The following MAGI1 variants were observed in gnomAD, a reference collection of about 807,000 sequenced individuals.
MAGI1 encodes membrane-associated guanylate kinase, WW and PDZ domain-containing protein 1.
In MAGI1, 58 loss-of-function variants were observed where a neutral mutation model predicts 139.9. The observed-to-expected ratio is 0.41, with a 90% confidence interval of 0.34 to 0.52. The LOEUF (loss-of-function observed/expected upper bound fraction) is 0.52, where lower values mean the gene tolerates loss of function less well. Among genes scored for constraint, MAGI1 ranks in the 20% least tolerant of loss-of-function variants. The pLI, the probability that MAGI1 is intolerant of heterozygous loss-of-function variation, is 0.12. For missense variants in MAGI1, 1,874 were observed against 1,901.6 expected, an observed-to-expected ratio of 0.99 and a Z score of 0.27; for synonymous variants, 812 against 737.9, an observed-to-expected ratio of 1.10 and a Z score of -1.63.
chr3:65,550,107 A>C (rs1401721240), intron 2 of MAGI1, among the ~76,000 whole-genome samples: 1 of 152,140 alleles, frequency 6.6e-6, no homozygotes, highest in Non-Finnish European at 1.5e-5. Context: ...CATTCCATAG[A>C]AGAAAAGCTA....
At chr3:65,876,194 T>C (rs962672016) in intron 1 of MAGI1, among the ~76,000 whole-genome samples, 2 of 151,282 alleles carry the variant, frequency 1.3e-5, no homozygotes, top group Non-Finnish European at 2.9e-5. Context: ...CAGTGGCACA[T>C]GTCTGTGGTC....
intron 2 of MAGI1, among the ~76,000 whole-genome samples, chr3:65,519,450 A>G (rs1431158404): frequency 2.0e-5 from 3 of 151,650 alleles, no homozygotes; most frequent in Admixed American, 1.3e-4. Flanking sequence ...CAGTGGTGCG[A>G]TCTTGGCTCA....
At chr3:65,729,599 C>T (rs1376503292) in intron 1 of MAGI1, among the ~76,000 whole-genome samples, 2 of 144,074 alleles carry the variant, frequency 1.4e-5, no homozygotes, top group Non-Finnish European at 3.2e-5. Context: ...CTTTACTAAA[C>T]ATTACAACCA....
intron 1 of MAGI1, among the ~76,000 whole-genome samples, chr3:65,973,442 T>C (rs1354719353): frequency 6.6e-6 from 1 of 152,178 alleles, no homozygotes; most frequent in Non-Finnish European, 1.5e-5. Flanking sequence ...GCTCCCATGA[T>C]ACTCTGATAC....
intron 8 of MAGI1, 56 bp from the exon 9 acceptor site, chr3:65,440,068 T>G: frequency 6.3e-7 from 1 of 1,596,870 alleles, no homozygotes. Context: ...ACCAGCAAAA[T>G]GCCAATCAGA....
chr3:65,907,160 C>G (rs1039953312), intron 1 of MAGI1, among the ~76,000 whole-genome samples: 2 of 152,094 alleles, frequency 1.3e-5, no homozygotes, highest in African/African-American at 4.8e-5. Context: ...AAGGAGAGCC[C>G]TTAATTAGAT....
chr3:65,859,936 A>G (rs2108437935), intron 1 of MAGI1, among the ~76,000 whole-genome samples: 1 of 146,306 alleles, frequency 6.8e-6, no homozygotes, highest in Admixed American at 6.8e-5. Context: ...CAATTTTGCT[A>G]TTGTTGCCCA....
At chr3:65,401,266 T>C (rs899831876) in intron 13 of MAGI1, among the ~76,000 whole-genome samples, 173 bp downstream of exon 13, 9 of 152,080 alleles carry the variant, frequency 5.9e-5, no homozygotes, top group Admixed American at 3.3e-4. Flanking sequence ...CCCAAATACC[T>C]TGTATAACAA....
chr3:65,655,501 A>T (rs2085824383), intron 1 of MAGI1, among the ~76,000 whole-genome samples: 1 of 152,190 alleles, frequency 6.6e-6, no homozygotes, highest in Admixed American at 6.5e-5. Context: ...TGGAATGCAT[A>T]CAGATCTATT....
At chr3:65,406,453 C>A (rs1407503184) in intron 12 of MAGI1, among the ~76,000 whole-genome samples, 1 of 152,148 alleles carries the variant, frequency 6.6e-6, no homozygotes, top group Non-Finnish European at 1.5e-5. Context: ...CCTAAAGTGT[C>A]TGTCACATAC....
At chr3:65,698,423 T>C (rs1027264435) in intron 1 of MAGI1, among the ~76,000 whole-genome samples, 3 of 148,956 alleles carry the variant, frequency 2.0e-5, no homozygotes, top group Non-Finnish European at 3.0e-5. Context: ...ACCAAGGCAA[T>C]CCTAAGCCAA....
At chr3:65,527,722 C>A (rs1272408790) in intron 2 of MAGI1, among the ~76,000 whole-genome samples, 1 of 151,766 alleles carries the variant, frequency 6.6e-6, no homozygotes, top group East Asian at 1.9e-4. Flanking sequence ...GAGACTCTGT[C>A]TCAAAAAATG....
chr3:65,465,756 C>T (rs765772314), intron 5 of MAGI1, among the ~76,000 whole-genome samples: 56 of 152,098 alleles, frequency 3.7e-4, no homozygotes, highest in Non-Finnish European at 6.9e-4. Context: ...AGGTTTATTT[C>T]TTTTGCCAAA....
chr3:65,895,527 A>T (rs540672177), intron 1 of MAGI1, among the ~76,000 whole-genome samples: 1 of 152,240 alleles, frequency 6.6e-6, no homozygotes, highest in East Asian at 1.9e-4. Context: ...TTGTCTTCAA[A>T]CAATAATCTA....
At position 65,355,360 on chromosome 3, in the gene MAGI1, CAG is replaced by C. The variant is rs1255326700; in HGVS notation, c.*1016_*1017del. 6.6e-6 allele frequency: 1 copy of C among 152,170 alleles called. No homozygotes were observed. Among genetic ancestry groups the C allele is most frequent in the African/African-American group, 2.4e-5 (1 of 41,438 alleles). 9.4% of individuals were successfully genotyped at this position (152,170 alleles called of 1,614,324 possible). A position where few individuals can be genotyped will look rare whatever the true frequency, so the allele number is the denominator to read the frequency against. ...CAGCCCTCACTTCTTTAAATATCAA[CAG>C]AGAGGTTCCTTCCACCAAGGCTCAT... On this transcript the variant is annotated 3_prime_UTR_variant, in exon 23 of 23. Transcript: ENST00000402939.
chr3:65,621,245 G>T (rs965874871), intron 2 of MAGI1, among the ~76,000 whole-genome samples: 3 of 152,054 alleles, frequency 2.0e-5, no homozygotes, highest in African/African-American at 7.2e-5. Context: ...AAACAACCAG[G>T]AACACAGTGT....
intron 1 of MAGI1, among the ~76,000 whole-genome samples, chr3:65,981,615 G>A (rs934675223): frequency 1.3e-5 from 2 of 152,140 alleles, no homozygotes; most frequent in Non-Finnish European, 2.9e-5. Flanking sequence ...TTGAATTGTA[G>A]CTCCCATAAT....
At chr3:65,516,436 C>T (rs750382003) in intron 2 of MAGI1, among the ~76,000 whole-genome samples, 4 of 152,048 alleles carry the variant, frequency 2.6e-5, no homozygotes, top group Non-Finnish European at 4.4e-5. Context: ...CCTGGCCTCC[C>T]AACGCATTGG....
chr3:65,400,171 A>G (rs901491186), intron 13 of MAGI1, among the ~76,000 whole-genome samples: 18 of 152,208 alleles, frequency 1.2e-4, no homozygotes, highest in Non-Finnish European at 2.1e-4. Flanking sequence ...TGTGGTTCCA[A>G]TGTGGGCACC....
Sources: gnomAD v4.1 joint callset for allele counts (sites outside exome capture counted in the v4.1 genomes callset) on GRCh38, gnomAD v4.1.1 for gene constraint, MANE v1.5 for transcripts, NCBI Gene and HGNC (gene_info 2026-07-23, HGNC 2026-07-21) for gene names.